Variants in LRRC4C observed in about 807,000 individuals in gnomAD.
The protein encoded by LRRC4C is leucine rich repeat containing 4C, also known as leucine-rich repeat-containing protein 4C.
Under a neutral mutation model 33.6 loss-of-function variants are expected in LRRC4C, and 5 were observed. The ratio of observed to expected loss-of-function variants is 0.15; its 90% CI spans 0.08 to 0.31. The LOEUF is 0.31. Ranked by LOEUF, LRRC4C falls within the 10% of genes least tolerant of loss-of-function variation. The pLI, the probability that LRRC4C is intolerant of heterozygous loss-of-function variation, is 1.00. For missense variants in LRRC4C, 560 were observed against 796.7 expected, an observed-to-expected ratio of 0.70 and a Z score of 3.58; for synonymous variants, 329 against 302.0, an observed-to-expected ratio of 1.09 and a Z score of -0.93.
intron 1 of LRRC4C, among the ~76,000 whole-genome samples, chr11:41,443,492 G>C (rs1955719993): frequency 6.6e-6 from 1 of 152,112 alleles, no homozygotes; most frequent in South Asian, 2.1e-4. Flanking sequence ...CTGGGCAAGA[G>C]AGCAAGACTT....
At chr11:40,744,692 A>C (rs2136933226) in intron 2 of LRRC4C, among the ~76,000 whole-genome samples, 1 of 152,220 alleles carries the variant, frequency 6.6e-6, no homozygotes, top group Middle Eastern at 3.4e-3. Flanking sequence ...ATCCCATCTT[A>C]CTATGAGGAA....
Position 40,598,926 on chromosome 11 carries a change from AC to A in LRRC4C, c.-270+49215del, listed in dbSNP as rs1959674860. ...TGCTTAGCACTGTGTCTGCTCCAGG[AC>A]TTAGAATAAAATTCAAACCCCTACA... On this transcript the variant is annotated intron_variant, in intron 3 of 6. Coordinates refer to ENST00000528697, the MANE Select transcript of LRRC4C (RefSeq NM_001258419.2). Among the ~76,000 whole-genome samples, 3 of 152,192 alleles carry A rather than the reference AC, an allele frequency of 2.0e-5. No individual in the cohort carries two copies. The South Asian group carries it at 6.2e-4, about 32-fold the overall frequency.
At chr11:40,740,872 T>G (rs1948125448) in intron 2 of LRRC4C, among the ~76,000 whole-genome samples, 1 of 152,070 alleles carries the variant, frequency 6.6e-6, no homozygotes, top group African/African-American at 2.4e-5. Flanking sequence ...TCCAGCTTCA[T>G]TTTTTGAAGA....
chr11:40,218,205 T>C (rs1864114674), intron 5 of LRRC4C, among the ~76,000 whole-genome samples: 1 of 152,216 alleles, frequency 6.6e-6, no homozygotes, highest in Non-Finnish European at 1.5e-5. Flanking sequence ...TTTAGCATGA[T>C]GACCTATAAT....
At chr11:40,652,534 G>A (rs945296168) in intron 2 of LRRC4C, among the ~76,000 whole-genome samples, 1 of 152,134 alleles carries the variant, frequency 6.6e-6, no homozygotes, top group Non-Finnish European at 1.5e-5. Flanking sequence ...AAATGTAACA[G>A]CACTAAAGAA....
chr11:40,817,684 T>C (rs1027218208), intron 2 of LRRC4C, among the ~76,000 whole-genome samples: 1 of 152,116 alleles, frequency 6.6e-6, no homozygotes, highest in Non-Finnish European at 1.5e-5. Flanking sequence ...GGTAATCACT[T>C]TTGAATCTTA....
At chr11:40,379,114 T>A (rs1948766655) in intron 3 of LRRC4C, among the ~76,000 whole-genome samples, 1 of 152,068 alleles carries the variant, frequency 6.6e-6, no homozygotes, top group African/African-American at 2.4e-5. Context: ...GATAAAGTTA[T>A]AAAGAGCAGA....
intron 1 of LRRC4C, among the ~76,000 whole-genome samples, chr11:40,941,372 C>T (rs1255052591): frequency 1.3e-5 from 2 of 152,038 alleles, no homozygotes; most frequent in African/African-American, 4.8e-5. Context: ...AATGCTCTCA[C>T]ATAGATTTTA....
chr11:41,425,156 A>T (rs1360529167), intron 1 of LRRC4C, among the ~76,000 whole-genome samples: 10 of 152,180 alleles, frequency 6.6e-5, no homozygotes, highest in Middle Eastern at 6.8e-3. Flanking sequence ...ATTGTTCAGG[A>T]GTCATCATGA....
Position 40,990,756 on chromosome 11 carries a change from C to T in LRRC4C, c.-495-57033G>A, listed in dbSNP as rs193089952. Among the ~76,000 whole-genome samples the T allele has an allele frequency of 3.2e-3, 481 of 152,214 alleles. 7 individuals are homozygous for T. In the South Asian group the frequency reaches 0.036, roughly 11 times the overall value. ...GCAGTCTCTGTATTTCAAATACATACACTGGTAGCAAAACAATGCCTTTTT... is the reference window on the plus strand; with the variant it reads ...GCAGTCTCTGTATTTCAAATACATATACTGGTAGCAAAACAATGCCTTTTT... On this transcript the variant is annotated intron_variant, in intron 1 of 6. Coordinates refer to ENST00000528697, the MANE Select transcript of LRRC4C (RefSeq NM_001258419.2).
At chr11:41,440,047 G>A (rs906361362) in intron 1 of LRRC4C, among the ~76,000 whole-genome samples, 9 of 152,016 alleles carry the variant, frequency 5.9e-5, no homozygotes, top group South Asian at 2.1e-4. Context: ...AGCCTTAGTC[G>A]TAAATTCTTT....
intron 2 of LRRC4C, among the ~76,000 whole-genome samples, chr11:40,851,145 C>A: frequency 6.6e-6 from 1 of 152,004 alleles, no homozygotes; most frequent in East Asian, 1.9e-4. Context: ...ACAGTTCTGT[C>A]TTGCTGGCTT....
intron 2 of LRRC4C, among the ~76,000 whole-genome samples, chr11:40,912,691 T>A (rs1438884796): frequency 5.3e-5 from 8 of 152,028 alleles, no homozygotes; most frequent in African/African-American, 1.9e-4. Flanking sequence ...AATTCACACA[T>A]AACAATATTA....
At chr11:40,636,280 TG>T (rs937342295) in intron 3 of LRRC4C, among the ~76,000 whole-genome samples, 1 of 152,128 alleles carries the variant, frequency 6.6e-6, no homozygotes, top group African/African-American at 2.4e-5. Flanking sequence ...ATGGAGCAAT[TG>T]AAGACAACTG....
intron 3 of LRRC4C, among the ~76,000 whole-genome samples, chr11:40,479,616 C>T (rs564329509): frequency 4.7e-4 from 72 of 152,220 alleles, no homozygotes; most frequent in African/African-American, 1.3e-3. Flanking sequence ...CCGAGGGAGG[C>T]GGCTGCTTTA....
At chr11:40,628,814 C>G (rs1054733430) in intron 3 of LRRC4C, among the ~76,000 whole-genome samples, 2 of 152,024 alleles carry the variant, frequency 1.3e-5, no homozygotes, top group African/African-American at 4.8e-5. Context: ...TTGAAAAATC[C>G]TTGAAAGAAT....
chr11:40,884,840 T>G (rs936452951), intron 2 of LRRC4C, among the ~76,000 whole-genome samples: 3 of 151,986 alleles, frequency 2.0e-5, no homozygotes, highest in African/African-American at 7.2e-5. Flanking sequence ...ATCTATCCCA[T>G]GGAACTGGAG....
In LRRC4C at chr11:40,584,177, CATATATATATAT is replaced by C. The variant is rs371413523; in HGVS notation, c.-270+63953_-270+63964del. 5.5e-4 allele frequency among the ~76,000 whole-genome samples: 39 copies of C among 71,280 alleles called. 2 individuals carry two copies. The highest frequency in any genetic ancestry group is 1.7e-3 in the African/African-American group (33 of 19,724). 46.8% of individuals were successfully genotyped at this position (71,280 alleles called of 152,430 possible). On this transcript the variant is annotated intron_variant, in intron 3 of 6. Coordinates refer to ENST00000528697, the MANE Select transcript of LRRC4C (RefSeq NM_001258419.2). ...AGTATACACACACACACGCACACTT[CATATATATATAT>C]ATATATATATATATATGAACTCTTT...
chr11:41,418,431 A>C (rs1315942517), intron 1 of LRRC4C, among the ~76,000 whole-genome samples: 2 of 151,954 alleles, frequency 1.3e-5, no homozygotes, highest in African/African-American at 2.4e-5. Flanking sequence ...TTCCTCGAGG[A>C]ATTAACGGAG....
Sources: allele counts gnomAD v4.1 joint callset (sites outside exome capture counted in the v4.1 genomes callset), GRCh38; gene constraint gnomAD v4.1.1; transcripts MANE v1.5; gene names NCBI Gene and HGNC (gene_info 2026-07-23, HGNC 2026-07-21).